ZNF587: variants seen among roughly 807,000 people sequenced by gnomAD.
ZNF587 encodes zinc finger protein 587.
ZNF587 carries 8 observed loss-of-function variants against 7.5 expected under a neutral mutation model. The ratio of observed to expected loss-of-function variants is 1.06; its 90% CI spans 0.62 to 1.92. The LOEUF is 1.92. Among genes scored for constraint, ZNF587 ranks in the 40% most tolerant of loss-of-function variants. ZNF587 has a pLI of 0.00. For synonymous variants in ZNF587, 145 were observed against 237.8 expected, an observed-to-expected ratio of 0.61 and a Z score of 3.59; for missense variants, 468 against 692.8, an observed-to-expected ratio of 0.68 and a Z score of 3.64.
At chr19:57,850,795 A>T in intron 1 of ZNF587, 1 of 382,998 alleles carries the variant, frequency 2.6e-6, no homozygotes. Context: ...TTGGAGGGGG[A>T]GGAAGCGATC....
At chr19:57,857,634 G>A (rs922027846) in intron 2 of ZNF587, among the ~76,000 whole-genome samples, 1 of 151,696 alleles carries the variant, frequency 6.6e-6, no homozygotes, top group Non-Finnish European at 1.5e-5. Context: ...ATATGTGTGT[G>A]TGTATATGTA....
Position 57,864,209 on chromosome 19 carries a change from C to G in ZNF587, c.*4069C>G, listed in dbSNP as rs964252870. On this transcript the variant is annotated 3_prime_UTR_variant, in exon 3 of 3. Transcript: ENST00000339656. Reference sequence around the variant, plus strand: ...AGTGCAATGGCATGGTCTCGGCTCACTGCAACCTCCGCCTCCCAGGTTCAA... The same window carrying G: ...AGTGCAATGGCATGGTCTCGGCTCAGTGCAACCTCCGCCTCCCAGGTTCAA... 1 of 143,244 alleles carries G rather than the reference C, an allele frequency of 7.0e-6. No individual in the cohort carries two copies. Among genetic ancestry groups the G allele is most frequent in the Admixed American group, 7.2e-5 (1 of 13,840 alleles). The allele number at this position is 143,244 out of a possible 1,614,324, so 8.9% of individuals were successfully genotyped here.
intron 1 of ZNF587, chr19:57,852,465 A>G (rs1363599218): frequency 5.0e-6 from 2 of 398,454 alleles, no homozygotes; most frequent in Non-Finnish European, 4.4e-6. Context: ...AATGGATCAG[A>G]TAAGTGGTAA....
chr19:57,863,982 G>T lies in ZNF587; in HGVS notation c.*3842G>T, dbSNP rs1352818906. On this transcript the variant is annotated 3_prime_UTR_variant, in exon 3 of 3. Coordinates refer to ENST00000339656, the MANE Select transcript of ZNF587 (RefSeq NM_032828.4). ...CGGTTGAACCTGGGAGGTGGAAGGT[G>T]CACTGAGCCAATATCACACCAGTGC... 1 of 146,898 alleles carries T rather than the reference G, an allele frequency of 6.8e-6. No individual in the cohort carries two copies. The highest frequency in any genetic ancestry group is 2.5e-5 in the African/African-American group (1 of 39,666). The allele number at this position is 146,898 out of a possible 1,614,324, so 9.1% of individuals were successfully genotyped here.
chr19:57,853,417 A>C (rs2071308476), intron 1 of ZNF587, among the ~76,000 whole-genome samples: 1 of 152,220 alleles, frequency 6.6e-6, no homozygotes, highest in Non-Finnish European at 1.5e-5. Context: ...GACATCCAAT[A>C]TATGAAAGCT....
At position 57,861,520 on chromosome 19, in the gene ZNF587, G is replaced by T. The variant is rs2071431759; in HGVS notation, c.*1380G>T. ...TAACTTTTGTATTTTCTGTAGAGAGGGTTTTACCTTTTTGCCCAGTCTGAT... is the reference window on the plus strand; with the variant it reads ...TAACTTTTGTATTTTCTGTAGAGAGTGTTTTACCTTTTTGCCCAGTCTGAT... On this transcript the variant is annotated 3_prime_UTR_variant, in exon 3 of 3. Coordinates refer to ENST00000339656, the MANE Select transcript of ZNF587 (RefSeq NM_032828.4). The T allele has an allele frequency of 6.6e-6, 1 of 152,008 alleles. No homozygotes were observed. The highest frequency in any genetic ancestry group is 1.5e-5 in the Non-Finnish European group (1 of 68,038). The allele number at this position is 152,008 out of a possible 1,614,324, so 9.4% of individuals were successfully genotyped here.
Position 57,864,654 on chromosome 19 carries a change from C to T in ZNF587, c.*4514C>T, listed in dbSNP as rs1051539218. ...CTCAGTAATATCTTCATCCTTCTCACTGGAAAGATCTTTGATGATTTTTAA... is the reference window on the plus strand; with the variant it reads ...CTCAGTAATATCTTCATCCTTCTCATTGGAAAGATCTTTGATGATTTTTAA... On this transcript the variant is annotated 3_prime_UTR_variant, in exon 3 of 3. Coordinates refer to ENST00000339656, the MANE Select transcript of ZNF587 (RefSeq NM_032828.4). 1.3e-5 allele frequency: 2 copies of T among 152,168 alleles called. No individual in the cohort carries two copies. The highest frequency in any genetic ancestry group is 4.8e-5 in the African/African-American group (2 of 41,430). 9.4% of individuals were successfully genotyped at this position (152,168 alleles called of 1,614,324 possible). A position where few individuals can be genotyped will look rare whatever the true frequency, so the allele number is the denominator to read the frequency against.
rs1212375694 is a variant in ZNF587 at position 57,863,992 on chromosome 19, A to G, written c.*3852A>G. On this transcript the variant is annotated 3_prime_UTR_variant, in exon 3 of 3. Transcript: ENST00000339656. ...TGGGAGGTGGAAGGTGCACTGAGCC[A>G]ATATCACACCAGTGCACTCCAACCT... is the stretch of plus-strand genomic sequence containing the variant. The G allele has an allele frequency of 6.6e-6, 1 of 150,626 alleles. No homozygotes were observed. The highest frequency in any genetic ancestry group is 1.5e-5 in the Non-Finnish European group (1 of 67,642). The allele number at this position is 150,626 out of a possible 1,614,324, so 9.3% of individuals were successfully genotyped here.
rs1190739099 is a variant in ZNF587, at chr19:57,862,989, T to G, written c.*2849T>G. The G allele has an allele frequency of 6.5e-6, 1 of 153,666 alleles. No individual in the cohort carries two copies. Among genetic ancestry groups the G allele is most frequent in the Non-Finnish European group, 1.5e-5 (1 of 68,240 alleles). 9.5% of individuals were successfully genotyped at this position (153,666 alleles called of 1,614,324 possible). On this transcript the variant is annotated 3_prime_UTR_variant, in exon 3 of 3. Coordinates refer to ENST00000339656, the MANE Select transcript of ZNF587 (RefSeq NM_032828.4). ...TGTTTTTTTTGAGAAGTCTCACTCTTTCACCCAGGCTGGAGTGCAGTGGCA... is the reference window on the plus strand; with the variant it reads ...TGTTTTTTTTGAGAAGTCTCACTCTGTCACCCAGGCTGGAGTGCAGTGGCA...
intron 1 of ZNF587, among the ~76,000 whole-genome samples, chr19:57,853,362 A>G (rs2071307491): frequency 6.6e-6 from 1 of 152,228 alleles, no homozygotes; most frequent in Non-Finnish European, 1.5e-5. Context: ...CAAATCGATA[A>G]CTAGACATAC....
At chr19:57,850,218 C>A in intron 1 of ZNF587, 147 bp downstream of exon 1, 4 of 1,459,072 alleles carry the variant, frequency 2.7e-6, no homozygotes, top group Non-Finnish European at 3.8e-6. Context: ...TCCTTGTAAC[C>A]GTCCAGTGGG....
chr19:57,852,840 CTTTTTTTTTTTTTTTT>C (rs35543941), intron 1 of ZNF587, among the ~76,000 whole-genome samples: 54 of 25,280 alleles, frequency 2.1e-3, no homozygotes, highest in African/African-American at 9.6e-3. Context: ...GACAGCTAGG[CTTTTTTTTTTTTTTTT>C]TTTTTTTTTT....
At chr19:57,852,365 T>G (rs1568505405) in intron 1 of ZNF587, 1 of 398,558 alleles carries the variant, frequency 2.5e-6, no homozygotes, top group Admixed American at 4.4e-5. Flanking sequence ...ACAGGCTTCA[T>G]CTGGCTGGAC....
At chr19:57,852,552 A>G (rs1167866629) in intron 1 of ZNF587, among the ~76,000 whole-genome samples, 1 of 150,470 alleles carries the variant, frequency 6.6e-6, no homozygotes, top group Non-Finnish European at 1.5e-5. Flanking sequence ...TTAACGTGGA[A>G]TTTCAGTCTT....
At position 57,855,826 on chromosome 19, in the gene ZNF587, G is replaced by A. The variant is rs538610932; in HGVS notation, c.34-278G>A. Reference sequence around the variant, plus strand: ...TCTGCCCGAATCAGTGTCCCAAAGTGCTGGGATTACAGGCGTGAGCCACCG... The same window carrying A: ...TCTGCCCGAATCAGTGTCCCAAAGTACTGGGATTACAGGCGTGAGCCACCG... On this transcript the variant is annotated intron_variant, in intron 1 of 2. Transcript: ENST00000339656. 1.8e-5 allele frequency: 7 copies of A among 380,738 alleles called. No homozygotes were observed. In the East Asian group the frequency reaches 3.6e-4, roughly 20 times the overall value. The allele number at this position is 380,738 out of a possible 1,614,324, so 23.6% of individuals were successfully genotyped here. A position where few individuals can be genotyped will look rare whatever the true frequency, so the allele number is the denominator to read the frequency against.
intron 1 of ZNF587, chr19:57,850,848 C>T (rs1477612326): frequency 9.5e-6 from 3 of 316,866 alleles, no homozygotes; most frequent in Non-Finnish European, 1.7e-5. Flanking sequence ...TGAGTCATTC[C>T]ATAAGATGTA....
chr19:57,854,763 G>C (rs1027321341), intron 1 of ZNF587, among the ~76,000 whole-genome samples: 7 of 152,046 alleles, frequency 4.6e-5, no homozygotes, highest in African/African-American at 1.7e-4. Flanking sequence ...TGTAGGCGCT[G>C]GGTGTGGTGG....
At chr19:57,855,870 G>A (rs1285462219) in intron 1 of ZNF587, 3 of 626,580 alleles carry the variant, frequency 4.8e-6, no homozygotes, top group East Asian at 3.4e-5. Flanking sequence ...CCAGAAGGGA[G>A]TGGACCTTTT....
At chr19:57,850,164 C>G in intron 1 of ZNF587, 93 bp downstream of exon 1, 1 of 1,610,740 alleles carries the variant, frequency 6.2e-7, no homozygotes, top group Non-Finnish European at 8.5e-7. Context: ...GGGTCTGTAG[C>G]CGGTACCCGG....
Sources: gnomAD v4.1 joint callset for allele counts (sites outside exome capture counted in the v4.1 genomes callset) on GRCh38, gnomAD v4.1.1 for gene constraint, MANE v1.5 for transcripts, NCBI Gene and HGNC (gene_info 2026-07-23, HGNC 2026-07-21) for gene names.